AKAP9: variants seen among roughly 807,000 people sequenced by gnomAD.
AKAP9 encodes the protein A-kinase anchoring protein 9.
In AKAP9, 311 loss-of-function variants were observed where a neutral mutation model predicts 488.5. The observed-to-expected ratio is 0.64, with a 90% CI of 0.58 to 0.70. The LOEUF (loss-of-function observed/expected upper bound fraction) is 0.70, where lower values mean the gene tolerates loss of function less well. Ranked by LOEUF, AKAP9 falls within the 30% of genes least tolerant of loss-of-function variation. AKAP9 has a pLI of 0.00. For synonymous variants in AKAP9, 1,462 were observed against 1,483.5 expected, an observed-to-expected ratio of 0.99 and a Z score of 0.33; for missense variants, 4,215 against 4,374.5, an observed-to-expected ratio of 0.96 and a Z score of 1.03.
intron 21 of AKAP9, among the ~76,000 whole-genome samples, chr7:92,047,918 C>T (rs1277271544): frequency 6.6e-6 from 1 of 152,112 alleles, no homozygotes; most frequent in Non-Finnish European, 1.5e-5. Context: ...GCAGTGTGAT[C>T]ATCTTACTAA....
chr7:92,091,757 T>C (rs979420470), intron 38 of AKAP9, among the ~76,000 whole-genome samples: 1 of 152,158 alleles, frequency 6.6e-6, no homozygotes, highest in Admixed American at 6.5e-5. Context: ...TAGATTAATA[T>C]TGTTTTACTT....
At position 92,022,855 on chromosome 7, in the gene AKAP9, G is replaced by GA. The variant is rs1802520440; in HGVS notation, c.4000dup (p.Thr1334AsnfsTer2). ...CAAGTTATCTTCTCTGCAAGATCTT[G>GA]AAAAAACTAAACTTGAAGAACAAGT... On this transcript the variant is annotated frameshift_variant, in exon 14 of 50. Transcript: ENST00000356239. LOFTEE classifies it high-confidence loss of function. 2 of 1,573,258 alleles carry GA rather than the reference G, an allele frequency of 1.3e-6. No homozygotes were observed. Among genetic ancestry groups the GA allele is most frequent in the African/African-American group, 1.7e-5 (1 of 57,808 alleles).
chr7:92,083,774 T>A, intron 33 of AKAP9, 119 bp downstream of exon 33: 1 of 1,044,488 alleles, frequency 9.6e-7, no homozygotes, highest in Non-Finnish European at 1.4e-6. Context: ...GCACTTGATC[T>A]TTCTAAGTAG....
At chr7:92,041,882 T>C in intron 18 of AKAP9, 164 bp from the exon 19 acceptor site, 1 of 635,498 alleles carries the variant, frequency 1.6e-6, no homozygotes, top group South Asian at 2.5e-5. Flanking sequence ...ATTTTAAATT[T>C]TGCATTGATC....
Position 92,107,480 on chromosome 7 carries a change from T to A in AKAP9, c.11546+58T>A, listed in dbSNP as rs7785971. 612,475 of 1,541,082 alleles carry A rather than the reference T, an allele frequency of 0.4. 125,736 individuals carry two copies. The highest frequency in any genetic ancestry group is 0.64 in the African/African-American group (47,360 of 73,480). ...TAAATGTATTAATATTTAACAGAGA[T>A]AAATGGACATTTTTAGGGCTTTGAC... On this transcript the variant is annotated intron_variant, in intron 48 of 49. Coordinates refer to ENST00000356239, the MANE Select transcript of AKAP9 (RefSeq NM_005751.5).
At chr7:92,078,600 A>G (rs1813010367) in intron 30 of AKAP9, among the ~76,000 whole-genome samples, 1 of 151,824 alleles carries the variant, frequency 6.6e-6, no homozygotes, top group African/African-American at 2.4e-5. Flanking sequence ...AAGCAAAGAC[A>G]CATTGGTTTA....
rs6968870 is a variant in AKAP9, at chr7:92,031,797, G to C, written c.4338+193G>C. Among the ~76,000 whole-genome samples, 62,056 of 152,102 alleles carry C rather than the reference G, an allele frequency of 0.41. 13,181 individuals carry two copies. The highest frequency in any genetic ancestry group is 0.51 in the African/African-American group (21,281 of 41,474). On this transcript the variant is annotated intron_variant, in intron 16 of 49. Coordinates refer to ENST00000356239, the MANE Select transcript of AKAP9 (RefSeq NM_005751.5). ...TGAATTTTTATTTGAGAAGAGCATT[G>C]TTCTTGATGTAGACTAGTAATTAGA...
At chr7:92,091,801 C>T (rs149509651) in intron 38 of AKAP9, among the ~76,000 whole-genome samples, 112 of 152,184 alleles carry the variant, frequency 7.4e-4, no homozygotes, top group African/African-American at 2.6e-3. Context: ...AGCTTAATGT[C>T]ACAGATTCAC....
At chr7:92,041,226 T>C (rs1426146968) in intron 18 of AKAP9, 25 of 260,950 alleles carry the variant, frequency 9.6e-5, no homozygotes. Flanking sequence ...TAGCCATATA[T>C]AGCAAACTCA....
chr7:91,999,071 G>A (rs1260081689), intron 7 of AKAP9, among the ~76,000 whole-genome samples: 1 of 152,110 alleles, frequency 6.6e-6, no homozygotes, highest in African/African-American at 2.4e-5. Flanking sequence ...TGCCCAAGAG[G>A]CTGCATAGGA....
At chr7:91,983,758 T>G (rs1796726588) in intron 3 of AKAP9, among the ~76,000 whole-genome samples, 1 of 152,222 alleles carries the variant, frequency 6.6e-6, no homozygotes, top group Non-Finnish European at 1.5e-5. Context: ...CCACAAACAG[T>G]GTAAAACCGT....
chr7:91,975,809 A>G (rs532467091), intron 2 of AKAP9, among the ~76,000 whole-genome samples: 85 of 151,828 alleles, frequency 5.6e-4, no homozygotes, highest in African/African-American at 1.9e-3. Flanking sequence ...TATCAGATTG[A>G]GGAGGTTCCC....
intron 4 of AKAP9, 35 bp from the exon 5 acceptor site, chr7:91,992,850 A>G (rs371747628): frequency 1.3e-4 from 200 of 1,591,050 alleles, no homozygotes; most frequent in Non-Finnish European, 1.6e-4. Flanking sequence ...GAATATTGCT[A>G]ATACTGAATT....
chr7:92,075,818 GT>G (rs549045544), intron 28 of AKAP9, among the ~76,000 whole-genome samples: 134 of 152,300 alleles, frequency 8.8e-4, no homozygotes, highest in African/African-American at 3.2e-3. Context: ...AAGCTAACTG[GT>G]TTTTAAGGAT....
chr7:91,958,456 G>A (rs574565066), intron 1 of AKAP9, among the ~76,000 whole-genome samples: 8 of 152,152 alleles, frequency 5.3e-5, no homozygotes, highest in African/African-American at 1.2e-4. Flanking sequence ...GTAAAGTGCC[G>A]TTCTTCTCAC....
Position 92,002,760 on chromosome 7 carries a change from C to T in AKAP9, c.2843C>T (p.Thr948Ile). The change falls in exon 8 of 50, where the codon ACC becomes ATC. Residue 948 changes from threonine to isoleucine, a missense_variant. Around this residue, in one of 5 missense-constraint regions of AKAP9, gnomAD observed 2,361 missense variants for 2,430.0 expected, o/e 0.97. Transcript: ENST00000356239. ...TTELMEKLEV[T>I]KREKLELSQR... ...GAACTCATGGAAAAACTTGAGGTAA[C>T]CAAGCGAGAGAAATTAGAGCTGTCA... 6.2e-7 allele frequency: 1 copy of T among 1,613,548 alleles called. No individual in the cohort carries two copies. Among genetic ancestry groups the T allele is most frequent in the Non-Finnish European group, 8.5e-7 (1 of 1,179,684 alleles).
rs778007616 is a variant in AKAP9, at chr7:92,017,082, C to T, written c.3817C>T (p.Leu1273Phe). ...VTEEYNKLLV[L>F]QTRLSKIWGQ... ...AGAAGAATACAACAAACTCTTGGTACTTCAAACACGACTAAGCAAGGTCTG... is the reference window on the plus strand; with the variant it reads ...AGAAGAATACAACAAACTCTTGGTATTTCAAACACGACTAAGCAAGGTCTG... Residue 1273 changes from leucine to phenylalanine, a missense_variant, in exon 12 of 50, where the codon CTT (leucine) becomes TTT (phenylalanine). Transcript: ENST00000356239. 1 of 1,583,584 alleles carries T rather than the reference C, an allele frequency of 6.3e-7. No individual in the cohort carries two copies. Among genetic ancestry groups the T allele is most frequent in the East Asian group, 2.3e-5 (1 of 44,388 alleles).
Position 92,093,772 on chromosome 7 carries a change from A to C in AKAP9, c.9578+456A>C, listed in dbSNP as rs530176445. Among the ~76,000 whole-genome samples, 5 of 152,328 alleles carry C rather than the reference A, an allele frequency of 3.3e-5. No individual in the cohort carries two copies. In the South Asian group the frequency reaches 1.0e-3, roughly 32 times the overall value. On this transcript the variant is annotated intron_variant, in intron 39 of 49. Coordinates refer to ENST00000356239, the MANE Select transcript of AKAP9 (RefSeq NM_005751.5). ...TATATTGAACATTAGCTTCACACAC[A>C]AATAGATATGGTGATTCCCATGTTC...
intron 20 of AKAP9, 48 bp from the exon 21 acceptor site, chr7:92,044,960 G>A: frequency 1.4e-6 from 2 of 1,475,542 alleles, no homozygotes; most frequent in Non-Finnish European, 1.9e-6. Context: ...CAAAGTGTTT[G>A]CTTCAAAAAT....
Sources: gnomAD v4.1 joint callset for allele counts (sites outside exome capture counted in the v4.1 genomes callset) on GRCh38, gnomAD v4.1.1 for gene constraint, gnomAD v4.1.1 regional missense constraint, MANE v1.5 for transcripts, NCBI Gene and HGNC (gene_info 2026-07-23, HGNC 2026-07-21) for gene names.